The following TRAK1 variants were observed in gnomAD, a reference collection of about 807,000 sequenced individuals.
TRAK1 encodes the protein trafficking kinesin-binding protein 1.
TRAK1 carries 33 observed loss-of-function variants against 92.1 expected under a neutral mutation model. That is an observed-to-expected ratio of 0.36 (90% CI 0.27 to 0.48). The LOEUF is 0.48. TRAK1 is among the 20% of genes least tolerant of loss of function. The pLI, the probability that TRAK1 is intolerant of heterozygous loss-of-function variation, is 0.99. For missense variants in TRAK1, 1,123 were observed against 1,257.9 expected (o/e 0.89, Z 1.62); for synonymous variants, 521 against 517.3 (o/e 1.01, Z -0.10).
intron 1 of TRAK1, among the ~76,000 whole-genome samples, chr3:42,103,794 A>T (rs1707142964): frequency 2.0e-5 from 3 of 152,136 alleles, no homozygotes; most frequent in Admixed American, 2.0e-4. Context: ...TGATTTCTTC[A>T]TTTCCAACTG....
intron 1 of TRAK1, among the ~76,000 whole-genome samples, chr3:42,055,783 C>T (rs1703181451): frequency 6.6e-6 from 1 of 152,192 alleles, no homozygotes; most frequent in Admixed American, 6.5e-5. Flanking sequence ...AATTTTAGAA[C>T]ACTTTCTTCA....
chr3:42,131,754 T>TA (rs1697222751), intron 2 of TRAK1, among the ~76,000 whole-genome samples: 65 of 140,738 alleles, frequency 4.6e-4, no homozygotes, highest in African/African-American at 9.7e-4. Context: ...TAAATAAAAT[T>TA]TAAAAAAAAA....
At chr3:42,069,243 C>T (rs994566719) in intron 1 of TRAK1, among the ~76,000 whole-genome samples, 1 of 150,720 alleles carries the variant, frequency 6.6e-6, no homozygotes, top group Non-Finnish European at 1.5e-5. Context: ...ATTGCTTTAG[C>T]CCGGGAGGTC....
chr3:42,093,942 A>G (rs1215504523), intron 1 of TRAK1, among the ~76,000 whole-genome samples: 1 of 151,866 alleles, frequency 6.6e-6, no homozygotes, highest in African/African-American at 2.4e-5. Context: ...GAGCTCAGGC[A>G]GTCCGCCTGC....
intron 1 of TRAK1, among the ~76,000 whole-genome samples, chr3:42,092,681 T>TTGTTTTGTTGTGTTG (rs750189192): frequency 0.081 from 10,510 of 129,980 alleles, 637 homozygotes; most frequent in Non-Finnish European, 0.11. Flanking sequence ...TCCTTTTATT[T>TTGTTTTGTTGTGTTG]TGTTGTGTTG....
upstream of TRAK1, among the ~76,000 whole-genome samples, chr3:42,089,672 G>A (rs372812465): frequency 5.1e-4 from 55 of 108,576 alleles, no homozygotes; most frequent in African/African-American, 1.8e-3. Context: ...GATGCTTTTT[G>A]TGACCCCCCC....
At chr3:42,105,938 G>C (rs1442431101) in intron 1 of TRAK1, among the ~76,000 whole-genome samples, 3 of 152,160 alleles carry the variant, frequency 2.0e-5, no homozygotes, top group Non-Finnish European at 2.9e-5. Context: ...AAGTGAAGGA[G>C]AAATAAAATC....
At chr3:42,023,974 C>T (rs1369798490) in intron 1 of TRAK1, among the ~76,000 whole-genome samples, 3 of 151,978 alleles carry the variant, frequency 2.0e-5, no homozygotes, top group Non-Finnish European at 4.4e-5. Flanking sequence ...AGGCTGGTCT[C>T]GAATTCCTGA....
rs754507351 is a variant in TRAK1, at chr3:42,202,907, G to T, written c.1744+155G>T. ...GCTGGTTTGAGTTCCTCTGAGGGTG[G>T]TGCTCAGCCTAGGCCTCCGTCCCTC... On this transcript the variant is annotated intron_variant, in intron 13 of 15. Transcript: ENST00000327628. The surrounding 1 kb of genome is among the most constrained non-coding windows in gnomAD (Gnocchi z 6.1). The T allele has an allele frequency of 4.0e-5, 58 of 1,443,190 alleles. 1 individual carries two copies. In the Middle Eastern group the frequency reaches 5.4e-4, roughly 13 times the overall value. The allele number at this position is 1,443,190 out of a possible 1,614,324, so 89.4% of individuals were successfully genotyped here.
At chr3:42,092,369 C>T (rs1705186513) in intron 1 of TRAK1, among the ~76,000 whole-genome samples, 1 of 152,164 alleles carries the variant, frequency 6.6e-6, no homozygotes, top group Non-Finnish European at 1.5e-5. Context: ...CAGTTTTAGG[C>T]TTTAAAACAT....
At chr3:42,085,565 C>A (rs1211143087), upstream of TRAK1, among the ~76,000 whole-genome samples, 1 of 152,196 alleles carries the variant, frequency 6.6e-6, no homozygotes, top group East Asian at 1.9e-4. Context: ...GGTAAATAAA[C>A]CTGTTGGGAA....
intron 2 of TRAK1, among the ~76,000 whole-genome samples, chr3:42,154,011 CTG>C (rs1234815072): frequency 6.6e-6 from 1 of 152,134 alleles, no homozygotes; most frequent in Non-Finnish European, 1.5e-5. Flanking sequence ...TATAATGTAA[CTG>C]TTTTTATTAT....
rs576830029 is a variant in TRAK1 at position 42,043,551 on chromosome 3, C to T, written c.-519+29434C>T. Among the ~76,000 whole-genome samples, 3 of 149,468 alleles carry T rather than the reference C, an allele frequency of 2.0e-5. No homozygotes were observed. In the East Asian group the frequency reaches 5.8e-4, roughly 29 times the overall value. ...CTCTCCAGCTTCTGATGGATGTTGT[C>T]TTTGGCTTTTCGCCAGTGTGTTTTT... On this transcript the variant is annotated intron_variant, in intron 1 of 16. Coordinates refer to the TRAK1 transcript ENST00000487159.
chr3:42,209,826 G>C lies in TRAK1; in HGVS notation c.1804G>C (p.Asp602His). ...CCAACCTCACCTTGGGGGCATCCTG[G>C]ACCCCCGGCCCGGTGTGGTCACCAA... ...LAQPHLGGILDPRPGVVTKGF... is the reference protein window; with the variant it reads ...LAQPHLGGILHPRPGVVTKGF... The change falls in exon 14 of 16, where the codon GAC (aspartate) becomes CAC (histidine). Residue 602 changes from aspartate (D) to histidine (H), a missense_variant. Physicochemically the swap from Asp to His is moderately conservative, Grantham distance 81. This residue lies in a region of TRAK1 where 36 missense variants were observed against 71.3 expected (regional missense o/e 0.50). Coordinates refer to ENST00000327628, the MANE Select transcript of TRAK1 (RefSeq NM_001042646.3). The C allele has an allele frequency of 6.2e-7, 1 of 1,614,178 alleles. No individual in the cohort carries two copies. Among genetic ancestry groups the C allele is most frequent in the Non-Finnish European group, 8.5e-7 (1 of 1,180,034 alleles).
intron 1 of TRAK1, among the ~76,000 whole-genome samples, chr3:42,101,034 C>T (rs1428857300): frequency 7.9e-5 from 12 of 152,212 alleles, no homozygotes; most frequent in Non-Finnish European, 1.6e-4. Flanking sequence ...TAACAGCCTC[C>T]AAATCCTAGT....
At chr3:42,207,667 T>TA (rs1708484049) in intron 13 of TRAK1, among the ~76,000 whole-genome samples, 1 of 152,130 alleles carries the variant, frequency 6.6e-6, no homozygotes, top group Non-Finnish European at 1.5e-5. Flanking sequence ...AAGCTTAATT[T>TA]AAAAAATCAC....
intron 1 of TRAK1, among the ~76,000 whole-genome samples, chr3:42,065,533 G>C (rs770588362): frequency 6.6e-6 from 1 of 151,914 alleles, no homozygotes; most frequent in African/African-American, 2.4e-5. Flanking sequence ...ATTATGTTGC[G>C]TAAAGGCTAT....
chr3:42,079,693 C>T (rs2148949487), intron 1 of TRAK1, among the ~76,000 whole-genome samples: 1 of 152,100 alleles, frequency 6.6e-6, no homozygotes, highest in Non-Finnish European at 1.5e-5. Flanking sequence ...GTAGGTCAGG[C>T]TGGTCTCAAA....
At chr3:42,210,107 G>GGAGGAA (rs1332113440) in intron 14 of TRAK1, 122 bp downstream of exon 14, 2 of 1,612,230 alleles carry the variant, frequency 1.2e-6, no homozygotes, top group Non-Finnish European at 8.5e-7. Flanking sequence ...AGGAGGAGGA[G>GGAGGAA]GAGGAGGAGG....
Sources: gnomAD v4.1 joint callset for allele counts (sites outside exome capture counted in the v4.1 genomes callset) on GRCh38, gnomAD v4.1.1 for gene constraint, gnomAD v4.1.1 regional missense constraint, Gnocchi (gnomAD v3.1) non-coding constraint, MANE v1.5 for transcripts, NCBI Gene and HGNC (gene_info 2026-07-23, HGNC 2026-07-21) for gene names.